Variants in PARD3B observed in about 807,000 individuals in gnomAD.
PARD3B encodes partitioning defective 3 homolog B.
Under a neutral mutation model 130.2 loss-of-function variants are expected in PARD3B, and 103 were observed. The observed-to-expected ratio is 0.79, with a 90% CI of 0.67 to 0.93. The LOEUF (loss-of-function observed/expected upper bound fraction) is 0.93, where lower values mean the gene tolerates loss of function less well. Among genes scored for constraint, PARD3B ranks in the 40% least tolerant of loss-of-function variants. The probability of loss-of-function intolerance (pLI) is 0.00; values close to 1 mark genes in which losing one functional copy is unlikely to be tolerated. For synonymous variants in PARD3B, 583 were observed against 553.2 expected (o/e 1.05, Z -0.76); for missense variants, 1,609 against 1,499.2 (o/e 1.07, Z -1.21).
intron 21 of PARD3B, among the ~76,000 whole-genome samples, chr2:205,516,142 C>G (rs543051214): frequency 6.6e-6 from 1 of 152,194 alleles, no homozygotes; most frequent in Non-Finnish European, 1.5e-5. Context: ...CTCTTCTGTT[C>G]CATTGGTCTG....
chr2:205,107,081 A>C (rs1703276691), intron 5 of PARD3B, among the ~76,000 whole-genome samples: 1 of 152,180 alleles, frequency 6.6e-6, no homozygotes, highest in Admixed American at 6.5e-5. Flanking sequence ...AAGCTAAGTA[A>C]ATTATTTGTA....
chr2:205,541,891 C>A (rs2052156221), intron 21 of PARD3B, among the ~76,000 whole-genome samples: 1 of 151,786 alleles, frequency 6.6e-6, no homozygotes. Context: ...CACCTGTAAT[C>A]CCAGCACTTT....
At chr2:205,165,916 A>G (rs1037764695) in intron 11 of PARD3B, among the ~76,000 whole-genome samples, 4 of 152,158 alleles carry the variant, frequency 2.6e-5, no homozygotes, top group Non-Finnish European at 5.9e-5. Context: ...GGGGCAGTAT[A>G]CAGAACGTAA....
At chr2:204,913,526 T>C (rs1268213785) in intron 2 of PARD3B, among the ~76,000 whole-genome samples, 1 of 152,218 alleles carries the variant, frequency 6.6e-6, no homozygotes, top group Non-Finnish European at 1.5e-5. Flanking sequence ...TTTAAACTTC[T>C]GTGAAACACT....
intron 1 of PARD3B, among the ~76,000 whole-genome samples, chr2:204,642,092 TTGTA>T (rs746689826): frequency 1.2e-4 from 18 of 152,196 alleles, no homozygotes; most frequent in Non-Finnish European, 2.2e-4. Context: ...GAGGAGTAGT[TTGTA>T]TGTGTGGGAT....
At chr2:205,026,112 C>T (rs1697011222) in intron 3 of PARD3B, among the ~76,000 whole-genome samples, 1 of 152,136 alleles carries the variant, frequency 6.6e-6, no homozygotes, top group South Asian at 2.1e-4. Context: ...ACAAGAGTCT[C>T]TCTGATGGTA....
chr2:204,712,077 A>G lies in PARD3B; in HGVS notation c.222+25795A>G, dbSNP rs374596988. On this transcript the variant is annotated intron_variant, in intron 2 of 22. Transcript: ENST00000406610. ...GATCCCTGATATATGATGAATTTAC[A>G]CTGTATAACAAATAGTCTTTATCAT... 3.9e-5 allele frequency among the ~76,000 whole-genome samples: 6 copies of G among 152,226 alleles called. No homozygotes were observed. In the East Asian group the frequency reaches 1.2e-3, roughly 29 times the overall value.
chr2:205,114,467 C>A (rs954298058), intron 6 of PARD3B, among the ~76,000 whole-genome samples: 1 of 142,758 alleles, frequency 7.0e-6, no homozygotes, highest in African/African-American at 2.5e-5. Context: ...TTAAACACAT[C>A]ATTGAAAAGG....
chr2:205,385,249 C>G (rs1574880629), intron 18 of PARD3B, among the ~76,000 whole-genome samples: 1 of 152,088 alleles, frequency 6.6e-6, no homozygotes, highest in Non-Finnish European at 1.5e-5. Flanking sequence ...CTTATACTCA[C>G]ACCACATGCC....
chr2:204,603,413 T>C (rs2033591331), intron 1 of PARD3B, among the ~76,000 whole-genome samples: 1 of 152,126 alleles, frequency 6.6e-6, no homozygotes, highest in African/African-American at 2.4e-5. Context: ...CAGTGGTTAT[T>C]GTTTGTTCAT....
chr2:204,726,245 A>G (rs903013650), intron 2 of PARD3B, among the ~76,000 whole-genome samples: 7 of 152,202 alleles, frequency 4.6e-5, no homozygotes, highest in Admixed American at 3.3e-4. Context: ...AATTTTAATG[A>G]GAATTTGACC....
intron 3 of PARD3B, among the ~76,000 whole-genome samples, chr2:205,026,240 G>C (rs1697019274): frequency 6.6e-6 from 1 of 152,176 alleles, no homozygotes. Context: ...GGACCAGCTA[G>C]TACAAAGGCA....
intron 4 of PARD3B, among the ~76,000 whole-genome samples, chr2:205,071,301 A>C (rs1194063173): frequency 6.6e-6 from 1 of 152,070 alleles, no homozygotes; most frequent in Non-Finnish European, 1.5e-5. Flanking sequence ...ATATACCTTC[A>C]TTGCCCCACA....
chr2:204,736,443 T>G (rs1003231474), intron 2 of PARD3B, among the ~76,000 whole-genome samples: 3 of 152,080 alleles, frequency 2.0e-5, no homozygotes, highest in Non-Finnish European at 2.9e-5. Context: ...CTCCTCCTCC[T>G]GAGTCTCTAA....
In PARD3B at chr2:205,585,135, T is replaced by C. The variant is rs1203779609; in HGVS notation, c.3261-30321T>C. On this transcript the variant is annotated intron_variant, in intron 22 of 22. Coordinates refer to ENST00000406610, the MANE Select transcript of PARD3B (RefSeq NM_001302769.2). This position sits in a 1 kb window ranked among gnomAD's most constrained non-coding sequence, Gnocchi z 5.4. ...TCGTAACCCCACAGCCTTGGAATGA[T>C]TGCTCACTCCTTTCTGGCTTAGTCT... Among the ~76,000 whole-genome samples, 1 of 152,208 alleles carries C rather than the reference T, an allele frequency of 6.6e-6. No individual in the cohort carries two copies. Among genetic ancestry groups the C allele is most frequent in the Non-Finnish European group, 1.5e-5 (1 of 68,040 alleles).
chr2:205,323,005 G>T (rs993413078), intron 18 of PARD3B, among the ~76,000 whole-genome samples: 2 of 138,542 alleles, frequency 1.4e-5, no homozygotes, highest in African/African-American at 2.7e-5. Flanking sequence ...CCGCCTCCTG[G>T]GTTCAAGTGA....
At chr2:204,650,482 G>T (rs1477199463) in intron 1 of PARD3B, among the ~76,000 whole-genome samples, 2 of 152,114 alleles carry the variant, frequency 1.3e-5, no homozygotes, top group Non-Finnish European at 2.9e-5. Context: ...CAACAGCAAA[G>T]ACATGGAATC....
At chr2:204,722,108 A>C (rs2039024151) in intron 2 of PARD3B, among the ~76,000 whole-genome samples, 1 of 152,220 alleles carries the variant, frequency 6.6e-6, no homozygotes, top group Non-Finnish European at 1.5e-5. Context: ...TACTAAAATC[A>C]GTAGGATACC....
intron 2 of PARD3B, among the ~76,000 whole-genome samples, chr2:204,927,346 C>T (rs1010701463): frequency 6.6e-6 from 1 of 152,130 alleles, no homozygotes; most frequent in Non-Finnish European, 1.5e-5. Flanking sequence ...CCAGAGAGAT[C>T]TCCTTCTCCT....
Sources: gnomAD v4.1 joint callset for allele counts (sites outside exome capture counted in the v4.1 genomes callset) on GRCh38, gnomAD v4.1.1 for gene constraint, Gnocchi (gnomAD v3.1) non-coding constraint, MANE v1.5 for transcripts, NCBI Gene and HGNC (gene_info 2026-07-23, HGNC 2026-07-21) for gene names.